CDH13: variants seen among roughly 807,000 people sequenced by gnomAD.
CDH13 encodes the protein cadherin 13, also known as cadherin-13.
A neutral mutation model predicts 63.8 loss-of-function variants in CDH13; 24 were observed. The ratio of observed to expected loss-of-function variants is 0.38; its 90% confidence interval spans 0.27 to 0.53. The LOEUF is 0.53. CDH13 is among the 20% of genes least tolerant of loss of function. The probability of loss-of-function intolerance (pLI) is 0.85; values close to 1 mark genes in which losing one functional copy is unlikely to be tolerated. For missense variants in CDH13, 1,049 were observed against 903.1 expected, an observed-to-expected ratio of 1.16 and a Z score of -2.07; for synonymous variants, 503 against 355.3, an observed-to-expected ratio of 1.42 and a Z score of -4.67.
chr16:82,985,391 T>G (rs1910807433), intron 2 of CDH13, among the ~76,000 whole-genome samples: 1 of 152,168 alleles, frequency 6.6e-6, no homozygotes, highest in Non-Finnish European at 1.5e-5. Context: ...GGTAGTTACT[T>G]TTGGAGGAAA....
At chr16:83,378,705 C>G (rs778237866) in intron 6 of CDH13, among the ~76,000 whole-genome samples, 2 of 152,108 alleles carry the variant, frequency 1.3e-5, no homozygotes, top group Non-Finnish European at 2.9e-5. Context: ...TAGTTTCTTC[C>G]TCTTTAAATT....
chr16:83,311,514 G>C (rs2090000611), intron 5 of CDH13, among the ~76,000 whole-genome samples: 1 of 152,106 alleles, frequency 6.6e-6, no homozygotes, highest in Non-Finnish European at 1.5e-5. Flanking sequence ...TGTGGATTTT[G>C]TATATACATA....
intron 11 of CDH13, among the ~76,000 whole-genome samples, chr16:83,774,047 C>T (rs1250240228): frequency 6.6e-6 from 1 of 152,192 alleles, no homozygotes; most frequent in African/African-American, 2.4e-5. Flanking sequence ...ATGTGGAGCC[C>T]AGCCCCCTGC....
chr16:83,583,202 A>G (rs72793486), intron 7 of CDH13, among the ~76,000 whole-genome samples: 10,932 of 152,124 alleles, frequency 0.072, 470 homozygotes, highest in Non-Finnish European at 0.084. Flanking sequence ...ATACTTGTAG[A>G]TTTAGGGCAC....
intron 2 of CDH13, among the ~76,000 whole-genome samples, chr16:82,919,261 T>A (rs2042083988): frequency 6.6e-6 from 1 of 152,222 alleles, no homozygotes; most frequent in South Asian, 2.1e-4. Flanking sequence ...GTTATATAGG[T>A]AAACTCATGT....
At chr16:82,875,079 T>C (rs1322118437) in intron 2 of CDH13, among the ~76,000 whole-genome samples, 1 of 152,234 alleles carries the variant, frequency 6.6e-6, no homozygotes, top group African/African-American at 2.4e-5. Flanking sequence ...TTGATTATGC[T>C]TCCAAGGTTT....
chr16:82,939,133 T>C (rs1317094145), intron 2 of CDH13, among the ~76,000 whole-genome samples: 2 of 152,064 alleles, frequency 1.3e-5, no homozygotes, highest in Admixed American at 6.6e-5. Flanking sequence ...TAGAAAGCAG[T>C]GGTCACAAGG....
At chr16:82,795,971 A>T (rs1393010933) in intron 1 of CDH13, among the ~76,000 whole-genome samples, 4 of 151,108 alleles carry the variant, frequency 2.6e-5, no homozygotes, top group African/African-American at 4.9e-5. Context: ...TCATTCAACA[A>T]ACATTTATTG....
chr16:83,205,863 A>C (rs994061504), intron 4 of CDH13, among the ~76,000 whole-genome samples: 1 of 152,086 alleles, frequency 6.6e-6, no homozygotes, highest in Admixed American at 6.5e-5. Flanking sequence ...TCGGCATCCC[A>C]AAGTGTTAGG....
At chr16:82,787,760 C>A (rs1000459861) in intron 1 of CDH13, among the ~76,000 whole-genome samples, 2 of 140,178 alleles carry the variant, frequency 1.4e-5, no homozygotes, top group Non-Finnish European at 3.1e-5. Context: ...ATTTTAATAA[C>A]AATTTTGTTT....
At chr16:83,591,001 T>C (rs774244791) in intron 7 of CDH13, among the ~76,000 whole-genome samples, 3 of 150,448 alleles carry the variant, frequency 2.0e-5, no homozygotes, top group Non-Finnish European at 4.4e-5. Flanking sequence ...ATCTCCACCT[T>C]CTGGTTTCAA....
intron 10 of CDH13, among the ~76,000 whole-genome samples, chr16:83,699,656 TAC>T (rs71752138): frequency 6.6e-6 from 1 of 152,084 alleles, no homozygotes; most frequent in Non-Finnish European, 1.5e-5. Flanking sequence ...CACACGCACA[TAC>T]ACACACACTC....
At chr16:83,062,468 A>G (rs2031650489) in intron 3 of CDH13, among the ~76,000 whole-genome samples, 1 of 152,188 alleles carries the variant, frequency 6.6e-6, no homozygotes, top group Non-Finnish European at 1.5e-5. Context: ...ATCGAATAGC[A>G]GTTACATCAT....
intron 3 of CDH13, among the ~76,000 whole-genome samples, chr16:83,056,492 C>A (rs1018318352): frequency 1.3e-5 from 2 of 151,786 alleles, no homozygotes; most frequent in Admixed American, 1.3e-4. Context: ...TTATTATGCT[C>A]AAAAATATGG....
In CDH13 at chr16:82,736,277, C is replaced by A. The variant is rs140410125; in HGVS notation, c.45+109140C>A. Among the ~76,000 whole-genome samples, 163 of 152,174 alleles carry A rather than the reference C, an allele frequency of 1.1e-3. 2 individuals are homozygous for A. The highest frequency in any genetic ancestry group is 8.5e-3 in the East Asian group (44 of 5,176). On this transcript the variant is annotated intron_variant, in intron 1 of 13. Transcript: ENST00000567109. ...GCCTAACTAAATATATTTATATAATCCTTGAAACATGTTTAACTCTGGAGG... is the reference window on the plus strand; with the variant it reads ...GCCTAACTAAATATATTTATATAATACTTGAAACATGTTTAACTCTGGAGG...
intron 1 of CDH13, among the ~76,000 whole-genome samples, chr16:82,798,745 C>T (rs2036706946): frequency 6.6e-6 from 1 of 152,004 alleles, no homozygotes; most frequent in South Asian, 2.1e-4. Context: ...AAACACATGC[C>T]CCAGGTAGAG....
chr16:83,611,353 A>G (rs952889101), intron 8 of CDH13, among the ~76,000 whole-genome samples: 3 of 151,964 alleles, frequency 2.0e-5, no homozygotes, highest in Non-Finnish European at 4.4e-5. Flanking sequence ...AATTTCATTG[A>G]TGGATATGAA....
intron 2 of CDH13, among the ~76,000 whole-genome samples, chr16:82,896,003 C>G (rs1385571600): frequency 6.6e-6 from 1 of 152,146 alleles, no homozygotes; most frequent in Non-Finnish European, 1.5e-5. Flanking sequence ...TCCTGTCATT[C>G]AGTTCTCAGA....
At chr16:83,704,192 G>T (rs563119787) in intron 10 of CDH13, among the ~76,000 whole-genome samples, 5 of 152,136 alleles carry the variant, frequency 3.3e-5, no homozygotes, top group African/African-American at 9.7e-5. Flanking sequence ...AAACTGCCTC[G>T]AAGGAAGCTA....
Sources: allele counts gnomAD v4.1 joint callset (sites outside exome capture counted in the v4.1 genomes callset), GRCh38; gene constraint gnomAD v4.1.1; transcripts MANE v1.5; gene names NCBI Gene and HGNC (gene_info 2026-07-23, HGNC 2026-07-21).